NFX1: variants seen among roughly 807,000 people sequenced by gnomAD.
The protein encoded by NFX1 is nuclear transcription factor, X-box binding 1.
Under a neutral mutation model 137.2 loss-of-function variants are expected in NFX1, and 69 were observed. The observed-to-expected ratio is 0.50, with a 90% CI of 0.41 to 0.61. The LOEUF is 0.61. Ranked by LOEUF, NFX1 falls within the 20% of genes least tolerant of loss-of-function variation. The pLI, the probability that NFX1 is intolerant of heterozygous loss-of-function variation, is 0.00. For missense variants in NFX1, 1,167 were observed against 1,391.0 expected, an observed-to-expected ratio of 0.84 and a Z score of 2.56; for synonymous variants, 495 against 474.1, an observed-to-expected ratio of 1.04 and a Z score of -0.57.
chr9:33,355,580 A>G (rs949283015), intron 19 of NFX1, among the ~76,000 whole-genome samples: 1 of 149,716 alleles, frequency 6.7e-6, no homozygotes, highest in African/African-American at 2.5e-5. Flanking sequence ...TACCCATTAT[A>G]CTGTTAATGG....
At chr9:33,326,909 T>C (rs1822614915) in intron 9 of NFX1, among the ~76,000 whole-genome samples, 1 of 152,220 alleles carries the variant, frequency 6.6e-6, no homozygotes, top group Admixed American at 6.5e-5. Context: ...TGTATCTTAC[T>C]GGAGTTAGTA....
chr9:33,306,909 A>G (rs941073175), intron 4 of NFX1, among the ~76,000 whole-genome samples: 1 of 152,188 alleles, frequency 6.6e-6, no homozygotes. Flanking sequence ...ATTTATCTTA[A>G]ATTAAACGTT....
intron 15 of NFX1, among the ~76,000 whole-genome samples, chr9:33,348,884 A>G (rs1479674657): frequency 6.6e-6 from 1 of 152,218 alleles, no homozygotes; most frequent in Admixed American, 6.5e-5. Context: ...TATACCAAAA[A>G]AAAAAAGATA....
At chr9:33,292,107 TGAA>T (rs2118137740) in intron 1 of NFX1, among the ~76,000 whole-genome samples, 1 of 152,338 alleles carries the variant, frequency 6.6e-6, no homozygotes, top group Non-Finnish European at 1.5e-5. Flanking sequence ...CTTCAGTGTT[TGAA>T]GAAGAATTCG....
intron 19 of NFX1, among the ~76,000 whole-genome samples, chr9:33,361,747 T>C (rs1336636338): frequency 6.6e-6 from 1 of 151,994 alleles, no homozygotes; most frequent in African/African-American, 2.4e-5. Flanking sequence ...TACTCCAGCC[T>C]GGGCGACAAG....
chr9:33,332,733 TAA>T (rs1169426468), intron 11 of NFX1: 2 of 416,008 alleles, frequency 4.8e-6, no homozygotes, highest in Non-Finnish European at 8.8e-6. Flanking sequence ...TGAAATGCAT[TAA>T]AAAAGAAAAT....
In NFX1 at chr9:33,368,469, G is replaced by C. The variant is rs191609181; in HGVS notation, c.3290+850G>C. ...GCAGGGAAGGAGCTCTGAGAGTTGGGTGACTGTTGGGCTTTATTTGGAGAA... is the reference window on the plus strand; with the variant it reads ...GCAGGGAAGGAGCTCTGAGAGTTGGCTGACTGTTGGGCTTTATTTGGAGAA... On this transcript the variant is annotated intron_variant, in intron 23 of 23. Transcript: ENST00000379540. Among the ~76,000 whole-genome samples, 14 of 152,274 alleles carry C rather than the reference G, an allele frequency of 9.2e-5. No individual in the cohort carries two copies. In the East Asian group the frequency reaches 2.5e-3, roughly 27 times the overall value.
intron 3 of NFX1, among the ~76,000 whole-genome samples, chr9:33,301,651 ACT>A (rs1821571357): frequency 6.6e-6 from 1 of 152,140 alleles, no homozygotes; most frequent in African/African-American, 2.4e-5. Flanking sequence ...AAAATCAGTC[ACT>A]CTTATTGAAA....
intron 5 of NFX1, among the ~76,000 whole-genome samples, chr9:33,309,031 A>G (rs1414075518): frequency 6.6e-6 from 1 of 152,118 alleles, no homozygotes; most frequent in Non-Finnish European, 1.5e-5. Flanking sequence ...TATTCTTGCC[A>G]TTAGTTGTCA....
intron 10 of NFX1, among the ~76,000 whole-genome samples, chr9:33,330,141 G>A (rs895467539): frequency 2.6e-5 from 4 of 152,116 alleles, no homozygotes; most frequent in Non-Finnish European, 5.9e-5. Flanking sequence ...AAGTCTTCGG[G>A]TGATTCAGCT....
intron 10 of NFX1, among the ~76,000 whole-genome samples, chr9:33,329,594 G>C (rs1822725457): frequency 6.6e-6 from 1 of 150,968 alleles, no homozygotes; most frequent in East Asian, 1.9e-4. Flanking sequence ...CTGTACATCT[G>C]TTTTGTCAGT....
chr9:33,352,772 G>GTGTTT (rs1166158274), intron 17 of NFX1, 53 bp downstream of exon 17: 1 of 1,461,696 alleles, frequency 6.8e-7, no homozygotes, highest in Non-Finnish European at 9.6e-7. Flanking sequence ...ACAGATACAT[G>GTGTTT]TGTTTTGTTT....
At chr9:33,336,877 G>A (rs947142726) in intron 11 of NFX1, among the ~76,000 whole-genome samples, 8 of 152,130 alleles carry the variant, frequency 5.3e-5, no homozygotes, top group East Asian at 1.9e-4. Context: ...CAAGGCAGGC[G>A]GATCACTTGA....
At chr9:33,369,284 C>T (rs969405370) in intron 23 of NFX1, among the ~76,000 whole-genome samples, 3 of 152,126 alleles carry the variant, frequency 2.0e-5, no homozygotes, top group Non-Finnish European at 4.4e-5. Context: ...AGGATGGTCT[C>T]AATCTCCTGA....
chr9:33,316,608 A>T (rs1251718623), intron 7 of NFX1, among the ~76,000 whole-genome samples: 3 of 152,184 alleles, frequency 2.0e-5, no homozygotes, highest in Non-Finnish European at 4.4e-5. Flanking sequence ...TTGGCCATGT[A>T]AATAGTTTAT....
In NFX1 at chr9:33,290,519, C is replaced by T; in HGVS notation, c.-54C>T. The T allele has an allele frequency of 1.2e-6, 2 of 1,606,298 alleles. No individual in the cohort carries two copies. Among genetic ancestry groups the T allele is most frequent in the Non-Finnish European group, 1.7e-6 (2 of 1,173,132 alleles). ...GCGCCGGAAGTCCGGGGCACGTGAC[C>T]TGGTGACAGTGCTGACTTGGCTGTA... is the stretch of plus-strand genomic sequence containing the variant. On this transcript the variant is annotated 5_prime_UTR_variant, in exon 1 of 24. Coordinates refer to ENST00000379540, the MANE Select transcript of NFX1 (RefSeq NM_002504.6).
At chr9:33,306,841 C>T (rs549633150) in intron 4 of NFX1, among the ~76,000 whole-genome samples, 10 of 152,232 alleles carry the variant, frequency 6.6e-5, no homozygotes, top group African/African-American at 1.7e-4. Context: ...CTGATCCTTC[C>T]AGCAGCAATT....
intron 7 of NFX1, among the ~76,000 whole-genome samples, chr9:33,317,714 G>A (rs1172456166): frequency 4.6e-5 from 7 of 151,106 alleles, no homozygotes; most frequent in South Asian, 2.1e-4. Context: ...GGTGGCTCAC[G>A]CCTGTAGTCC....
At chr9:33,318,271 T>C (rs1488761388) in intron 7 of NFX1, among the ~76,000 whole-genome samples, 1 of 152,112 alleles carries the variant, frequency 6.6e-6, no homozygotes, top group Non-Finnish European at 1.5e-5. Flanking sequence ...GCTTCTTGGG[T>C]TGAAGTGAGG....
Sources: allele counts gnomAD v4.1 joint callset (sites outside exome capture counted in the v4.1 genomes callset), GRCh38; gene constraint gnomAD v4.1.1; transcripts MANE v1.5; gene names NCBI Gene and HGNC (gene_info 2026-07-23, HGNC 2026-07-21).